The following WDR82 variants were observed in gnomAD, a reference collection of about 807,000 sequenced individuals.
The protein encoded by WDR82 is WD repeat domain 82, also known as WD repeat-containing protein 82.
Under a neutral mutation model 36.1 loss-of-function variants are expected in WDR82, and 8 were observed. The observed-to-expected ratio is 0.22, with a 90% CI of 0.13 to 0.40. The LOEUF is 0.40. Among genes scored for constraint, WDR82 ranks in the 10% least tolerant of loss-of-function variants. The pLI is 1.00. For missense variants in WDR82, 185 were observed against 400.5 expected, an observed-to-expected ratio of 0.46 and a Z score of 4.59; for synonymous variants, 129 against 137.8, an observed-to-expected ratio of 0.94 and a Z score of 0.45.
At chr3:52,273,400 C>T (rs1036660079) in intron 1 of WDR82, among the ~76,000 whole-genome samples, 1 of 151,598 alleles carries the variant, frequency 6.6e-6, no homozygotes, top group Non-Finnish European at 1.5e-5. Flanking sequence ...CATTGTACTC[C>T]GACCTGGGCA....
chr3:52,272,230 TA>T (rs113001136), intron 1 of WDR82, among the ~76,000 whole-genome samples: 5 of 152,228 alleles, frequency 3.3e-5, no homozygotes, highest in African/African-American at 1.2e-4. Context: ...CCAAAAACTC[TA>T]ACACATACTG....
rs1397433461 is a variant in WDR82 at position 52,259,585 on chromosome 3, GAAGAAAA to G, written c.699+125_699+131del. ...CCAAGAGAGGTAAGTTCATGAGCAG[GAAGAAAA>G]TACAAGTGCATGCCTTCATGAGTAA... On this transcript the variant is annotated intron_variant, in intron 6 of 8. Coordinates refer to ENST00000296490, the MANE Select transcript of WDR82 (RefSeq NM_025222.4). The G allele has an allele frequency of 2.9e-5, 34 of 1,154,120 alleles. No homozygotes were observed. In the East Asian group the frequency reaches 5.5e-4, roughly 19 times the overall value. The allele number at this position is 1,154,120 out of a possible 1,614,324, so 71.5% of individuals were successfully genotyped here.
At chr3:52,271,787 T>C (rs557894784) in intron 1 of WDR82, among the ~76,000 whole-genome samples, 1 of 152,340 alleles carries the variant, frequency 6.6e-6, no homozygotes, top group African/African-American at 2.4e-5. Flanking sequence ...TTGCTTTTAC[T>C]TTAAAGCAAA....
chr3:52,263,438 G>C (rs1484089300), intron 3 of WDR82, among the ~76,000 whole-genome samples: 1 of 152,222 alleles, frequency 6.6e-6, no homozygotes, highest in Non-Finnish European at 1.5e-5. Flanking sequence ...GACAGAACCT[G>C]ACTACAAGGG....
At chr3:52,277,173 C>T (rs1273273169) in intron 1 of WDR82, among the ~76,000 whole-genome samples, 1 of 151,762 alleles carries the variant, frequency 6.6e-6, no homozygotes, top group Non-Finnish European at 1.5e-5. Context: ...CATCAGCAAG[C>T]CTTCTTGGGG....
At chr3:52,260,782 C>T (rs1700054396) in intron 4 of WDR82, among the ~76,000 whole-genome samples, 1 of 152,214 alleles carries the variant, frequency 6.6e-6, no homozygotes, top group Non-Finnish European at 1.5e-5. Flanking sequence ...ATTACAGACA[C>T]AGAATTCAAA....
In WDR82 at chr3:52,270,711, C is replaced by T; in HGVS notation, c.259+1G>A. ...TTAACTTCCTAAAAAGGCTTGCTTA[C>T]CGTCTATTTTGTTAGAGCTGTAAAC... is the stretch of plus-strand genomic sequence containing the variant. On this transcript the variant is annotated splice_donor_variant, in intron 2 of 8. Transcript: ENST00000296490. LOFTEE classifies it high-confidence loss of function. 1 of 1,606,636 alleles carries T rather than the reference C, an allele frequency of 6.2e-7. No homozygotes were observed. The highest frequency in any genetic ancestry group is 8.5e-7 in the Non-Finnish European group (1 of 1,177,100).
At chr3:52,257,575 G>A (rs367553571) in intron 8 of WDR82, 56 bp from the exon 9 acceptor site, 297 of 1,610,386 alleles carry the variant, frequency 1.8e-4, no homozygotes, top group Middle Eastern at 1.3e-3. Context: ...CACTGCCAAC[G>A]GTTCTTCACA....
intron 2 of WDR82, among the ~76,000 whole-genome samples, chr3:52,270,091 G>GT (rs1280465370): frequency 2.6e-5 from 4 of 152,184 alleles, no homozygotes; most frequent in African/African-American, 4.8e-5. Context: ...CACTTGCTGT[G>GT]TATCAAGTGT....
chr3:52,260,406 A>T lies in WDR82; in HGVS notation c.522T>A (p.Tyr174Ter). 6.3e-7 allele frequency: 1 copy of T among 1,575,352 alleles called. No homozygotes were observed. ...TTACCTTATCAAAAGAACGAAGGTCATAAAGCTTGACCATTTCAGAGTTGA... is the reference window on the plus strand; with the variant it reads ...TTACCTTATCAAAAGAACGAAGGTCTTAAAGCTTGACCATTTCAGAGTTGA... The part of the protein sequence containing the change: ...AGVNSEMVKL[Y>*]DLRSFDKGPF... Residue 174 changes from tyrosine to a stop codon, truncating the protein, a stop_gained, in exon 5 of 9, where the codon TAT (tyrosine) becomes TAA (stop). Transcript: ENST00000296490. LOFTEE classifies it high-confidence loss of function.
intron 1 of WDR82, among the ~76,000 whole-genome samples, chr3:52,272,417 G>A (rs1472046912): frequency 6.6e-6 from 1 of 151,646 alleles, no homozygotes; most frequent in Non-Finnish European, 1.5e-5. Flanking sequence ...GGTGGCCCAC[G>A]CCTGTAGTCC....
chr3:52,275,557 T>C (rs192226427), intron 1 of WDR82, among the ~76,000 whole-genome samples: 1 of 152,288 alleles, frequency 6.6e-6, no homozygotes, highest in Admixed American at 6.5e-5. Flanking sequence ...TGGATAACTG[T>C]GCTCTGGTTA....
At chr3:52,265,213 T>C (rs1700094599) in intron 3 of WDR82, among the ~76,000 whole-genome samples, 1 of 140,998 alleles carries the variant, frequency 7.1e-6, no homozygotes, top group Non-Finnish European at 1.5e-5. Flanking sequence ...GGCAGGAGAA[T>C]GGCGTGAACC....
In WDR82 at chr3:52,273,373, T is replaced by C. The variant is rs185504480; in HGVS notation, c.162-2564A>G. 5.2e-4 allele frequency among the ~76,000 whole-genome samples: 75 copies of C among 144,950 alleles called. 2 individuals carry two copies. In the South Asian group the frequency reaches 0.01, roughly 20 times the overall value. ...TGGAACCCGGGACATGGAGGTTGCA[T>C]TGAGCCAAGATCGCGCCATTGTACT... On this transcript the variant is annotated intron_variant, in intron 1 of 8. Transcript: ENST00000296490.
Position 52,259,872 on chromosome 3 carries a change from C to T in WDR82, c.544G>A (p.Gly182Arg). Reference protein sequence around the residue: ...KLYDLRSFDKGPFATFKMQYD... With the variant: ...KLYDLRSFDKRPFATFKMQYD... ...TGCATCTTAAAGGTAGCAAATGGCC[C>T]CTGCAAAAGATAAAAAACAGTAGCC... Residue 182 changes from glycine to arginine, a missense_variant and splice_region_variant, in exon 6 of 9, where the codon GGG becomes AGG. Physicochemically the swap from Gly to Arg is moderately radical, Grantham distance 125 (BLOSUM62 -2). Around this residue, in one of 3 missense-constraint regions of WDR82, gnomAD observed 110 missense variants for 212.6 expected, o/e 0.52. Transcript: ENST00000296490. The T allele has an allele frequency of 6.2e-7, 1 of 1,610,390 alleles. No homozygotes were observed.
intron 3 of WDR82, among the ~76,000 whole-genome samples, chr3:52,263,349 T>G (rs1342309159): frequency 6.6e-6 from 1 of 152,138 alleles, no homozygotes; most frequent in African/African-American, 2.4e-5. Flanking sequence ...GTAGAAAGGA[T>G]TTCAAAGAAG....
At chr3:52,266,927 T>G (rs1367200200) in intron 3 of WDR82, 25 bp downstream of exon 3, 6 of 1,593,028 alleles carry the variant, frequency 3.8e-6, no homozygotes, top group Non-Finnish European at 5.2e-6. Flanking sequence ...AAGAACTATC[T>G]GCTTCTATAA....
In WDR82 at chr3:52,255,990, A is replaced by C. The variant is rs970999180; in HGVS notation, c.*1500T>G. The stretch of plus-strand genomic sequence containing the variant: ...AACAAACTGCAAATGCTCTGGCTTC[A>C]GCACCTTATCCCCAAATGCCACAAA... On this transcript the variant is annotated 3_prime_UTR_variant, in exon 9 of 9. Coordinates refer to ENST00000296490, the MANE Select transcript of WDR82 (RefSeq NM_025222.4). 6.5e-6 allele frequency: 1 copy of C among 153,394 alleles called. No homozygotes were observed. The highest frequency in any genetic ancestry group is 2.4e-5 in the African/African-American group (1 of 41,452). The allele number at this position is 153,394 out of a possible 1,614,324, so 9.5% of individuals were successfully genotyped here.
intron 3 of WDR82, among the ~76,000 whole-genome samples, chr3:52,262,062 A>G (rs1392796581): frequency 6.6e-6 from 1 of 152,244 alleles, no homozygotes; most frequent in African/African-American, 2.4e-5. Context: ...ACACTGGAAC[A>G]TTATTTGGCA....
Sources: gnomAD v4.1 joint callset for allele counts (sites outside exome capture counted in the v4.1 genomes callset) on GRCh38, gnomAD v4.1.1 for gene constraint, gnomAD v4.1.1 regional missense constraint, MANE v1.5 for transcripts, NCBI Gene and HGNC (gene_info 2026-07-23, HGNC 2026-07-21) for gene names.